Variants in ZNF649 observed in about 807,000 individuals in gnomAD.
ZNF649 encodes the protein zinc finger protein 649.
ZNF649 carries 7 observed loss-of-function variants against 14.1 expected under a neutral mutation model. The observed-to-expected ratio is 0.49, with a 90% CI of 0.28 to 0.93. ZNF649 has a LOEUF of 0.93. ZNF649 is among the 40% of genes least tolerant of loss of function. The pLI, the probability that ZNF649 is intolerant of heterozygous loss-of-function variation, is 0.10. For synonymous variants in ZNF649, 227 were observed against 212.3 expected, an observed-to-expected ratio of 1.07 and a Z score of -0.60; for missense variants, 544 against 608.1, an observed-to-expected ratio of 0.89 and a Z score of 1.11.
At chr19:51,903,903 A>G (rs1392232596) in intron 1 of ZNF649, among the ~76,000 whole-genome samples, 1 of 152,194 alleles carries the variant, frequency 6.6e-6, no homozygotes, top group Non-Finnish European at 1.5e-5. Context: ...ACGACTCCAT[A>G]CTTCTATATT....
In ZNF649 at chr19:51,891,281, C is replaced by T. The variant is rs780093286; in HGVS notation, c.855G>A (p.Thr285=). 1.1e-5 allele frequency: 17 copies of T among 1,614,084 alleles called. 1 individual carries two copies. Among genetic ancestry groups the T allele is most frequent in the Admixed American group, 1.0e-4 (6 of 59,996 alleles). Residue 285 remains threonine, a synonymous_variant, in exon 5 of 5, where the codon ACG becomes ACA. Coordinates refer to ENST00000354957, the MANE Select transcript of ZNF649 (RefSeq NM_023074.4). The surrounding 1 kb of genome is among the most constrained non-coding windows in gnomAD (Gnocchi z 4.2). ...SELTEHQRIH[T]GIKPHQCSEC... ...CGCTGCATTGATGGGGCTTAATTCCCGTGTGAATCCTTTGATGTTCAGTAA... is the reference window on the plus strand; with the variant it reads ...CGCTGCATTGATGGGGCTTAATTCCTGTGTGAATCCTTTGATGTTCAGTAA...
intron 3 of ZNF649, 142 bp from the exon 4 acceptor site, chr19:51,896,709 T>C (rs2085064834): frequency 6.4e-7 from 1 of 1,570,026 alleles, no homozygotes; most frequent in African/African-American, 1.4e-5. Flanking sequence ...GAAGGAAGAT[T>C]ATGCCTCTTC....
intron 1 of ZNF649, among the ~76,000 whole-genome samples, chr19:51,901,661 A>T (rs1423157247): frequency 3.1e-5 from 4 of 128,778 alleles, no homozygotes; most frequent in East Asian, 1.9e-4. Flanking sequence ...ATAAAAAAAT[A>T]AAAAAAAATA....
At position 51,891,179 on chromosome 19, in the gene ZNF649, T is replaced by A. The variant is rs377650643; in HGVS notation, c.957A>T (p.Thr319=). The A allele has an allele frequency of 1.2e-6, 2 of 1,614,244 alleles. No homozygotes were observed. The highest frequency in any genetic ancestry group is 1.7e-6 in the Non-Finnish European group (2 of 1,180,042). The change falls in exon 5 of 5, where the codon ACA becomes ACT. Residue 319 remains threonine (T), a synonymous_variant. Coordinates refer to ENST00000354957, the MANE Select transcript of ZNF649 (RefSeq NM_023074.4). The surrounding 1 kb of genome is among the most constrained non-coding windows in gnomAD (Gnocchi z 4.2). ...TGAAGCCTTTTCCACATTCACTGCA[T>A]GTATGAGGCTTCTCTCCTGTATGAG... is the stretch of plus-strand genomic sequence containing the variant. ...QRTHTGEKPH[T]CSECGKGFIQ... is the part of the protein sequence containing the mutation.
intron 1 of ZNF649, among the ~76,000 whole-genome samples, chr19:51,901,559 C>A (rs895158641): frequency 6.6e-6 from 1 of 151,974 alleles, no homozygotes; most frequent in African/African-American, 2.4e-5. Flanking sequence ...GTGGGAGGAT[C>A]GCTTGAGGCC....
Position 51,904,959 on chromosome 19 carries a change from C to T in ZNF649, c.-233G>A, listed in dbSNP as rs1210892971. ...CCTAAATTCCCTGAATGCTTCCTTT[C>T]CTGGCCCTTAAACCCCGGCACTGGC... On this transcript the variant is annotated 5_prime_UTR_variant, in exon 1 of 5. Transcript: ENST00000354957. 6.7e-6 allele frequency: 1 copy of T among 149,858 alleles called. No homozygotes were observed. Among genetic ancestry groups the T allele is most frequent in the African/African-American group, 2.6e-5 (1 of 38,824 alleles). 9.3% of individuals were successfully genotyped at this position (149,858 alleles called of 1,614,324 possible).
chr19:51,898,322 C>T (rs1359282404), intron 2 of ZNF649, among the ~76,000 whole-genome samples: 1 of 152,190 alleles, frequency 6.6e-6, no homozygotes, highest in East Asian at 1.9e-4. Flanking sequence ...CGTTATCACA[C>T]TTCTGTCCAA....
Position 51,904,651 on chromosome 19 carries a change from G to A in ZNF649, c.-188+263C>T, listed in dbSNP as rs1361146812. Among the ~76,000 whole-genome samples, 3 of 151,926 alleles carry A rather than the reference G, an allele frequency of 2.0e-5. No homozygotes were observed. In the East Asian group the frequency reaches 5.9e-4, roughly 30 times the overall value. On this transcript the variant is annotated intron_variant, in intron 1 of 4. Coordinates refer to ENST00000354957, the MANE Select transcript of ZNF649 (RefSeq NM_023074.4). ...GTCGGTGATAAAGCCGGCGTGCTGG[G>A]CAGCGTCCCCCTAGAGTTCTCCATC...
chr19:51,899,234 A>G (rs1034612417), intron 2 of ZNF649, among the ~76,000 whole-genome samples: 1 of 152,230 alleles, frequency 6.6e-6, no homozygotes. Flanking sequence ...CATTTGCATA[A>G]TTTTTTAAGT....
At chr19:51,902,334 C>A (rs185323788) in intron 1 of ZNF649, among the ~76,000 whole-genome samples, 1 of 152,304 alleles carries the variant, frequency 6.6e-6, no homozygotes, top group East Asian at 1.9e-4. Context: ...ATTAAGGGCT[C>A]AGTTCAAGCC....
rs145209390 is a variant in ZNF649, at chr19:51,891,380, G to A, written c.756C>T (p.His252=). The change falls in exon 5 of 5, where the codon CAC becomes CAT. Residue 252 remains histidine (H), a synonymous_variant. Coordinates refer to ENST00000354957, the MANE Select transcript of ZNF649 (RefSeq NM_023074.4). The surrounding 1 kb of genome is among the most constrained non-coding windows in gnomAD (Gnocchi z 4.2). ...GTTTCTCTCCTTTGTGAGCTCTCTC[G>A]TGTTCAGTGAGCCTGTACCTCTTGT... is the stretch of plus-strand genomic sequence containing the variant. The part of the protein sequence containing the change: ...AFYKRYRLTE[H]ERAHKGEKPY... The A allele has an allele frequency of 4.3e-5, 70 of 1,613,798 alleles. No individual in the cohort carries two copies. The highest frequency in any genetic ancestry group is 1.7e-4 in the Admixed American group (10 of 59,982).
intron 4 of ZNF649, among the ~76,000 whole-genome samples, chr19:51,892,542 A>G (rs531561114): frequency 4.6e-5 from 7 of 152,302 alleles, no homozygotes; most frequent in Admixed American, 1.3e-4. Context: ...TTTAAAAAAG[A>G]ATAATCCTGA....
In ZNF649 at chr19:51,889,732, A is replaced by T. The variant is rs886844379; in HGVS notation, c.*886T>A. The T allele has an allele frequency of 1.3e-5, 2 of 152,234 alleles. No individual in the cohort carries two copies. Among genetic ancestry groups the T allele is most frequent in the South Asian group, 2.1e-4 (1 of 4,836 alleles). The allele number at this position is 152,234 out of a possible 1,614,324, so 9.4% of individuals were successfully genotyped here. A position where few individuals can be genotyped will look rare whatever the true frequency, so the allele number is the denominator to read the frequency against. ...CTATAAAATCTCAAGGAATCAAATG[A>T]CAAGGATTTACAGTTAATAAGCCAA... On this transcript the variant is annotated 3_prime_UTR_variant, in exon 5 of 5. Transcript: ENST00000354957.
At position 51,890,430 on chromosome 19, in the gene ZNF649, A is replaced by G. The variant is rs2085011248; in HGVS notation, c.*188T>C. The G allele has an allele frequency of 3.7e-6, 2 of 542,432 alleles. No homozygotes were observed. Among genetic ancestry groups the G allele is most frequent in the South Asian group, 5.3e-5 (2 of 37,628 alleles). The allele number at this position is 542,432 out of a possible 1,614,324, so 33.6% of individuals were successfully genotyped here. A position where few individuals can be genotyped will look rare whatever the true frequency, so the allele number is the denominator to read the frequency against. ...CCCCCCTCCCCAGCCAAACTCTATGATCAAGATAGTAAATGAAAAACAATA... is the reference window on the plus strand; with the variant it reads ...CCCCCCTCCCCAGCCAAACTCTATGGTCAAGATAGTAAATGAAAAACAATA... On this transcript the variant is annotated 3_prime_UTR_variant, in exon 5 of 5. Coordinates refer to ENST00000354957, the MANE Select transcript of ZNF649 (RefSeq NM_023074.4).
At chr19:51,892,916 T>A (rs1568455272) in intron 4 of ZNF649, among the ~76,000 whole-genome samples, 1 of 152,148 alleles carries the variant, frequency 6.6e-6, no homozygotes, top group Non-Finnish European at 1.5e-5. Flanking sequence ...CCACGAGTGT[T>A]TTTTGTTTTG....
At position 51,891,656 on chromosome 19, in the gene ZNF649, G is replaced by C; in HGVS notation, c.480C>G (p.Ser160Arg). The C allele has an allele frequency of 6.2e-7, 1 of 1,614,178 alleles. No homozygotes were observed. ...IEFPESRKPI[S>R]TKSQFLKHQQ... ...GATGTTTAAGGAATTGTGACTTGGT[G>C]CTGATGGGTTTTCTACTTTCAGGGA... Residue 160 changes from serine to arginine, a missense_variant, in exon 5 of 5, where the codon AGC (serine) becomes AGG (arginine). By Grantham distance (110) the Ser-to-Arg change is moderately radical. Coordinates refer to ENST00000354957, the MANE Select transcript of ZNF649 (RefSeq NM_023074.4). This position sits in a 1 kb window ranked among gnomAD's most constrained non-coding sequence, Gnocchi z 4.2.
At chr19:51,893,486 C>A (rs891977033) in intron 4 of ZNF649, among the ~76,000 whole-genome samples, 2 of 152,120 alleles carry the variant, frequency 1.3e-5, no homozygotes, top group Non-Finnish European at 1.5e-5. Flanking sequence ...TATAAAGTTT[C>A]TCTTTGCCTC....
chr19:51,891,654 G>C lies in ZNF649; in HGVS notation c.482C>G (p.Thr161Ser), dbSNP rs770363201. The C allele has an allele frequency of 1.7e-5, 28 of 1,614,046 alleles. No individual in the cohort carries two copies. In the Admixed American group the frequency reaches 4.5e-4, roughly 26 times the overall value. Residue 161 changes from threonine to serine, a missense_variant, in exon 5 of 5, where the codon ACC (threonine) becomes AGC (serine). Coordinates refer to ENST00000354957, the MANE Select transcript of ZNF649 (RefSeq NM_023074.4). This position sits in a 1 kb window ranked among gnomAD's most constrained non-coding sequence, Gnocchi z 4.2. ...EFPESRKPISTKSQFLKHQQT... is the reference protein window; with the variant it reads ...EFPESRKPISSKSQFLKHQQT... ...CTGATGTTTAAGGAATTGTGACTTGGTGCTGATGGGTTTTCTACTTTCAGG... is the reference window on the plus strand; with the variant it reads ...CTGATGTTTAAGGAATTGTGACTTGCTGCTGATGGGTTTTCTACTTTCAGG...
At chr19:51,901,867 T>C (rs935949035) in intron 1 of ZNF649, among the ~76,000 whole-genome samples, 2 of 144,412 alleles carry the variant, frequency 1.4e-5, no homozygotes, top group African/African-American at 5.2e-5. Context: ...TGCTTGAGCC[T>C]GGGAGGTTGA....
Sources: gnomAD v4.1 joint callset for allele counts (sites outside exome capture counted in the v4.1 genomes callset) on GRCh38, gnomAD v4.1.1 for gene constraint, Gnocchi (gnomAD v3.1) non-coding constraint, MANE v1.5 for transcripts, NCBI Gene and HGNC (gene_info 2026-07-23, HGNC 2026-07-21) for gene names.